The following PCDH15 variants were observed in gnomAD, a reference collection of about 807,000 sequenced individuals.
The protein encoded by PCDH15 is protocadherin-15.
A neutral mutation model predicts 178.5 loss-of-function variants in PCDH15; 129 were observed. The ratio of observed to expected loss-of-function variants is 0.72; its 90% CI spans 0.63 to 0.84. The LOEUF (loss-of-function observed/expected upper bound fraction) is 0.84, where lower values mean the gene tolerates loss of function less well. Ranked by LOEUF, PCDH15 falls within the 40% of genes least tolerant of loss-of-function variation. The pLI is 0.00. For missense variants in PCDH15, 2,230 were observed against 2,099.9 expected (o/e 1.06, Z -1.21); for synonymous variants, 800 against 732.0 (o/e 1.09, Z -1.50).
intron 15 of PCDH15, among the ~76,000 whole-genome samples, chr10:54,118,722 A>C (rs1366372804): frequency 3.9e-5 from 6 of 151,918 alleles, no homozygotes; most frequent in Admixed American, 1.3e-4. Context: ...TTAAATACTT[A>C]AACTAAAAAC....
At chr10:54,994,154 C>G (rs1839578125) in intron 2 of PCDH15, among the ~76,000 whole-genome samples, 1 of 152,062 alleles carries the variant, frequency 6.6e-6, no homozygotes, top group Non-Finnish European at 1.5e-5. Context: ...GATGTTTTCC[C>G]TTTACTCATA....
chr10:54,555,072 G>A (rs2087030242), intron 2 of PCDH15, among the ~76,000 whole-genome samples: 1 of 152,086 alleles, frequency 6.6e-6, no homozygotes, highest in Non-Finnish European at 1.5e-5. Context: ...TAAAAAGGAA[G>A]GATGTGATAA....
chr10:54,590,549 C>T (rs534291713), intron 2 of PCDH15, among the ~76,000 whole-genome samples: 11 of 152,200 alleles, frequency 7.2e-5, no homozygotes, highest in South Asian at 6.2e-4. Context: ...ATATTATCTA[C>T]GGAGAATTAT....
chr10:53,813,172 T>G (rs965554367), intron 35 of PCDH15, among the ~76,000 whole-genome samples: 52 of 152,168 alleles, frequency 3.4e-4, no homozygotes, highest in African/African-American at 1.2e-3. Context: ...AGCAAGCATG[T>G]CCTCTCCTGT....
chr10:54,863,185 T>C (rs1287729884), intron 3 of PCDH15, among the ~76,000 whole-genome samples: 1 of 152,190 alleles, frequency 6.6e-6, no homozygotes, highest in African/African-American at 2.4e-5. Context: ...AGCATTTTCC[T>C]ATAAATGATT....
intron 3 of PCDH15, among the ~76,000 whole-genome samples, chr10:54,866,570 T>C (rs1953945953): frequency 6.6e-6 from 1 of 152,234 alleles, no homozygotes; most frequent in African/African-American, 2.4e-5. Context: ...ATACTCATCC[T>C]AGGATTAAAA....
chr10:54,640,825 C>T (rs753970305), intron 2 of PCDH15, among the ~76,000 whole-genome samples: 11 of 152,034 alleles, frequency 7.2e-5, no homozygotes, highest in Non-Finnish European at 1.5e-4. Flanking sequence ...ACAAACAGGC[C>T]AGGCTCAGTG....
rs11813684 is a variant in PCDH15, at chr10:54,295,064, T to G, written c.876+22207A>C. On this transcript the variant is annotated intron_variant, in intron 8 of 37. Transcript: ENST00000644397. ...ATATTTGAAAATTGCTATATAAACA[T>G]TTTTGAAATACAAATTCTTAGGCCA... Among the ~76,000 whole-genome samples the G allele has an allele frequency of 1.1e-3, 173 of 152,298 alleles. 1 individual carries two copies. Among genetic ancestry groups the G allele is most frequent in the African/African-American group, 3.9e-3 (161 of 41,572 alleles).
Position 54,535,640 on chromosome 10 carries a change from G to A in PCDH15, c.92-7763C>T, listed in dbSNP as rs191199283. Among the ~76,000 whole-genome samples, 1,219 of 148,684 alleles carry A rather than the reference G, an allele frequency of 8.2e-3. 16 individuals are homozygous for A. Among genetic ancestry groups the A allele is most frequent in the African/African-American group, 0.028 (1,148 of 40,536 alleles). On this transcript the variant is annotated intron_variant, in intron 2 of 37. Coordinates refer to ENST00000644397, the MANE Select transcript of PCDH15 (RefSeq NM_001384140.1). ...CAGGAGAATGGCATGAACCCAGGAGGTGGAGCTTGCAGTGAGCTGAGATGG... is the reference window on the plus strand; with the variant it reads ...CAGGAGAATGGCATGAACCCAGGAGATGGAGCTTGCAGTGAGCTGAGATGG...
intron 2 of PCDH15, among the ~76,000 whole-genome samples, chr10:54,577,844 A>AAATAAATG: frequency 3.4e-5 from 1 of 29,802 alleles, no homozygotes; most frequent in East Asian, 4.9e-4. Flanking sequence ...GTTTAAGCCT[A>AAATAAATG]AATAAATGAA....
intron 2 of PCDH15, among the ~76,000 whole-genome samples, chr10:55,082,030 G>C (rs1296749409): frequency 6.6e-6 from 1 of 151,706 alleles, no homozygotes; most frequent in Admixed American, 6.6e-5. Context: ...AGACAGAAAA[G>C]CAAAAAAAGA....
intron 5 of PCDH15, among the ~76,000 whole-genome samples, chr10:54,368,826 C>G (rs1947196515): frequency 6.6e-6 from 1 of 151,958 alleles, no homozygotes; most frequent in Non-Finnish European, 1.5e-5. Context: ...ATAATAATAA[C>G]TCGTGTTATG....
chr10:54,822,837 A>G (rs1953069141), intron 3 of PCDH15, among the ~76,000 whole-genome samples: 1 of 151,944 alleles, frequency 6.6e-6, no homozygotes. Flanking sequence ...TGGGATGAAA[A>G]AAATCTCATA....
chr10:54,600,036 A>G, intron 2 of PCDH15: 1 of 1,335,210 alleles, frequency 7.5e-7, no homozygotes, highest in Non-Finnish European at 1.0e-6. Context: ...AAGTGGGGAA[A>G]GGTGAACAGA....
chr10:54,791,558 G>C (rs1951411522), intron 1 of PCDH15, among the ~76,000 whole-genome samples: 1 of 151,782 alleles, frequency 6.6e-6, no homozygotes, highest in Non-Finnish European at 1.5e-5. Flanking sequence ...TATCTAATTT[G>C]TATGCATTAT....
At chr10:54,101,762 T>TA (rs2094816412) in intron 15 of PCDH15, among the ~76,000 whole-genome samples, 1 of 151,114 alleles carries the variant, frequency 6.6e-6, no homozygotes, top group Non-Finnish European at 1.5e-5. Context: ...TGGATAGGAG[T>TA]TTAAAAACAG....
chr10:55,599,488 T>C (rs1843020235), intron 2 of PCDH15: 1 of 152,656 alleles, frequency 6.6e-6, no homozygotes, highest in Admixed American at 6.5e-5. Context: ...GCTCAACATC[T>C]GACTAACTTC....
chr10:55,208,919 A>G (rs1591990616), intron 1 of PCDH15, among the ~76,000 whole-genome samples: 1 of 152,232 alleles, frequency 6.6e-6, no homozygotes, highest in South Asian at 2.1e-4. Flanking sequence ...TACTTGGGCA[A>G]GTAAAAGGAA....
At chr10:54,637,767 T>C (rs1271820568) in intron 2 of PCDH15, among the ~76,000 whole-genome samples, 1 of 152,118 alleles carries the variant, frequency 6.6e-6, no homozygotes, top group Non-Finnish European at 1.5e-5. Flanking sequence ...GTTATTATTC[T>C]GTTTATCCCA....
Sources: allele counts gnomAD v4.1 joint callset (sites outside exome capture counted in the v4.1 genomes callset), GRCh38; gene constraint gnomAD v4.1.1; transcripts MANE v1.5; gene names NCBI Gene and HGNC (gene_info 2026-07-23, HGNC 2026-07-21).